The following IMMP2L variants were observed in gnomAD, a reference collection of about 807,000 sequenced individuals.
IMMP2L encodes inner mitochondrial membrane peptidase subunit 2.
IMMP2L carries 18 observed loss-of-function variants against 19.3 expected under a neutral mutation model. The ratio of observed to expected loss-of-function variants is 0.93; its 90% CI spans 0.64 to 1.38. The LOEUF (loss-of-function observed/expected upper bound fraction) is 1.38, where lower values mean the gene tolerates loss of function less well. Among genes scored for constraint, IMMP2L ranks in the 40% most tolerant of loss-of-function variants. The pLI is 0.00. For synonymous variants in IMMP2L, 76 were observed against 73.0 expected, an observed-to-expected ratio of 1.04 and a Z score of -0.21; for missense variants, 233 against 218.2, an observed-to-expected ratio of 1.07 and a Z score of -0.43.
intron 3 of IMMP2L, among the ~76,000 whole-genome samples, chr7:111,269,854 C>T (rs1818255985): frequency 6.6e-6 from 1 of 152,074 alleles, no homozygotes; most frequent in African/African-American, 2.4e-5. Flanking sequence ...TGGAGTTGCA[C>T]CATTTTTGGC....
At chr7:111,005,820 T>A (rs1824226661) in intron 3 of IMMP2L, among the ~76,000 whole-genome samples, 1 of 152,190 alleles carries the variant, frequency 6.6e-6, no homozygotes, top group African/African-American at 2.4e-5. Flanking sequence ...AAATGGGTCT[T>A]CAATTCAGAC....
intron 5 of IMMP2L, among the ~76,000 whole-genome samples, chr7:110,773,827 C>CT (rs5886574): frequency 0.58 from 78,697 of 135,670 alleles, 22,761 homozygotes; most frequent in African/African-American, 0.71. Flanking sequence ...ATAGTCTATT[C>CT]TTTTTTTTTT....
intron 5 of IMMP2L, among the ~76,000 whole-genome samples, chr7:110,677,297 T>C (rs999019135): frequency 3.1e-4 from 47 of 152,148 alleles, no homozygotes; most frequent in Non-Finnish European, 7.4e-5. Flanking sequence ...AAATGAGCAA[T>C]TGCACTGTTA....
At chr7:111,187,317 G>A (rs1030862031) in intron 3 of IMMP2L, among the ~76,000 whole-genome samples, 38 of 152,238 alleles carry the variant, frequency 2.5e-4, no homozygotes, top group African/African-American at 8.9e-4. Flanking sequence ...GCCACCCAAG[G>A]AGAGGGCCAC....
At chr7:111,393,483 T>C (rs1832583516) in intron 3 of IMMP2L, among the ~76,000 whole-genome samples, 1 of 152,116 alleles carries the variant, frequency 6.6e-6, no homozygotes. Context: ...ACACTGCATA[T>C]TTTCAATTAA....
At chr7:110,908,781 T>C (rs958238983) in intron 4 of IMMP2L, among the ~76,000 whole-genome samples, 11 of 152,232 alleles carry the variant, frequency 7.2e-5, no homozygotes, top group African/African-American at 2.4e-4. Context: ...ATGAAGTAAA[T>C]AACTGGATTC....
chr7:110,814,512 T>C (rs527795942), intron 5 of IMMP2L, among the ~76,000 whole-genome samples: 1 of 151,130 alleles, frequency 6.6e-6, no homozygotes, highest in Non-Finnish European at 1.5e-5. Flanking sequence ...GAGGGAGCAT[T>C]TATATCTAAA....
chr7:110,799,422 G>A lies in IMMP2L; in HGVS notation c.408+87171C>T, dbSNP rs868492369. Among the ~76,000 whole-genome samples, 3 of 152,072 alleles carry A rather than the reference G, an allele frequency of 2.0e-5. No individual in the cohort carries two copies. In the South Asian group the frequency reaches 6.2e-4, roughly 32 times the overall value. ...GTCAGGACATATTTGTAGACTAATT[G>A]ACTGAGTATATTATAAAATGAATTT... On this transcript the variant is annotated intron_variant, in intron 5 of 5. Coordinates refer to ENST00000405709, the MANE Select transcript of IMMP2L (RefSeq NM_032549.4).
intron 3 of IMMP2L, among the ~76,000 whole-genome samples, chr7:111,130,959 T>C (rs2129593759): frequency 6.6e-6 from 1 of 152,044 alleles, no homozygotes; most frequent in African/African-American, 2.4e-5. Flanking sequence ...AATTAATCAA[T>C]GAAACAAAAT....
intron 3 of IMMP2L, among the ~76,000 whole-genome samples, chr7:111,434,107 T>C (rs1247357398): frequency 1.3e-5 from 2 of 151,734 alleles, no homozygotes. Context: ...AGGTCCATGG[T>C]ATAGAATAGA....
chr7:111,423,262 A>G (rs1170457742), intron 3 of IMMP2L, among the ~76,000 whole-genome samples: 1 of 151,790 alleles, frequency 6.6e-6, no homozygotes, highest in Non-Finnish European at 1.5e-5. Flanking sequence ...CTCTTTTTCT[A>G]TTGAATGGAA....
At chr7:111,334,745 G>A (rs1362554844) in intron 3 of IMMP2L, among the ~76,000 whole-genome samples, 2 of 151,946 alleles carry the variant, frequency 1.3e-5, no homozygotes, top group Admixed American at 1.3e-4. Flanking sequence ...AGAAGTTGAT[G>A]GCACTGATTG....
At chr7:111,327,515 A>G (rs2130606876) in intron 3 of IMMP2L, among the ~76,000 whole-genome samples, 1 of 151,772 alleles carries the variant, frequency 6.6e-6, no homozygotes, top group East Asian at 1.9e-4. Context: ...TCATCCATGT[A>G]CTTCTTACAC....
At chr7:111,346,097 A>G (rs1253878572) in intron 3 of IMMP2L, among the ~76,000 whole-genome samples, 4 of 152,196 alleles carry the variant, frequency 2.6e-5, no homozygotes, top group South Asian at 2.1e-4. Flanking sequence ...CTATATTTCA[A>G]TGATCAAAGA....
At chr7:111,471,713 G>A (rs112667101) in intron 3 of IMMP2L, among the ~76,000 whole-genome samples, 3,099 of 152,036 alleles carry the variant, frequency 0.02, 104 homozygotes, top group African/African-American at 0.071. Flanking sequence ...TATGGCTCAC[G>A]TTATATTTCT....
chr7:111,011,761 T>A (rs555335381), intron 3 of IMMP2L, among the ~76,000 whole-genome samples: 1 of 152,150 alleles, frequency 6.6e-6, no homozygotes, highest in Non-Finnish European at 1.5e-5. Flanking sequence ...AATAAATTAC[T>A]CATTTACTTG....
chr7:110,951,477 A>T (rs1333528188), intron 4 of IMMP2L, among the ~76,000 whole-genome samples: 1 of 151,958 alleles, frequency 6.6e-6, no homozygotes. Context: ...AAAATTAGTC[A>T]ATAATAAATT....
chr7:111,030,884 G>GTGTATATATA (rs1397369486), intron 3 of IMMP2L, among the ~76,000 whole-genome samples: 1 of 127,140 alleles, frequency 7.9e-6, no homozygotes, highest in African/African-American at 3.1e-5. Flanking sequence ...GTGTGTGTGT[G>GTGTATATATA]TATATATATA....
At chr7:110,929,300 C>T (rs780404441) in intron 4 of IMMP2L, among the ~76,000 whole-genome samples, 1 of 152,086 alleles carries the variant, frequency 6.6e-6, no homozygotes, top group Non-Finnish European at 1.5e-5. Context: ...TGAGAAGTTG[C>T]TTTCATCATA....
Sources: gnomAD v4.1 joint callset for allele counts (sites outside exome capture counted in the v4.1 genomes callset) on GRCh38, gnomAD v4.1.1 for gene constraint, MANE v1.5 for transcripts, NCBI Gene and HGNC (gene_info 2026-07-23, HGNC 2026-07-21) for gene names.